The following TRPC6 variants were observed in gnomAD, a reference collection of about 807,000 sequenced individuals.
The protein encoded by TRPC6 is transient receptor potential cation channel subfamily C member 6.
A neutral mutation model predicts 90.7 loss-of-function variants in TRPC6; 55 were observed. The ratio of observed to expected loss-of-function variants is 0.61; its 90% CI spans 0.49 to 0.76. The LOEUF (loss-of-function observed/expected upper bound fraction) is 0.76, where lower values mean the gene tolerates loss of function less well. Ranked by LOEUF, TRPC6 falls within the 30% of genes least tolerant of loss-of-function variation. TRPC6 has a pLI of 0.00. For missense variants in TRPC6, 989 were observed against 1,122.7 expected, an observed-to-expected ratio of 0.88 and a Z score of 1.70; for synonymous variants, 393 against 393.0, an observed-to-expected ratio of 1.00 and a Z score of 0.00.
intron 1 of TRPC6, among the ~76,000 whole-genome samples, chr11:101,581,119 TA>T (rs1259574994): frequency 6.6e-6 from 1 of 152,222 alleles, no homozygotes; most frequent in Non-Finnish European, 1.5e-5. Flanking sequence ...ACATGTATTA[TA>T]GTACCTCTGA....
chr11:101,485,286 T>A (rs1859650934), intron 4 of TRPC6, among the ~76,000 whole-genome samples: 1 of 152,112 alleles, frequency 6.6e-6, no homozygotes, highest in Admixed American at 6.6e-5. Context: ...TTGTTTTTTT[T>A]TTTAGATCCT....
intron 1 of TRPC6, among the ~76,000 whole-genome samples, chr11:101,550,265 AT>A (rs1813277612): frequency 6.6e-6 from 1 of 151,614 alleles, no homozygotes; most frequent in Admixed American, 6.6e-5. Context: ...GCCTTTTATC[AT>A]AATTATTATG....
At chr11:101,483,905 G>T (rs1029840515) in intron 4 of TRPC6, among the ~76,000 whole-genome samples, 10 of 152,058 alleles carry the variant, frequency 6.6e-5, no homozygotes, top group Non-Finnish European at 1.0e-4. Flanking sequence ...TATAGTACAC[G>T]ATTCATCTCT....
intron 1 of TRPC6, among the ~76,000 whole-genome samples, chr11:101,547,634 G>A (rs145581065): frequency 2.4e-3 from 363 of 152,226 alleles, no homozygotes; most frequent in African/African-American, 8.2e-3. Flanking sequence ...CTGTAATTTA[G>A]AAAGCAATAA....
chr11:101,568,170 C>T (rs1861877979), intron 1 of TRPC6, among the ~76,000 whole-genome samples: 2 of 152,110 alleles, frequency 1.3e-5, no homozygotes, highest in Non-Finnish European at 2.9e-5. Flanking sequence ...TAGAGAAGAA[C>T]ATAAATGACC....
chr11:101,502,964 T>A (rs368910960), intron 2 of TRPC6, among the ~76,000 whole-genome samples: 30,376 of 151,808 alleles, frequency 0.2, 3,271 homozygotes, highest in African/African-American at 0.26. Flanking sequence ...TCTCTCAGCA[T>A]ATAGAAAAAA....
chr11:101,560,904 A>G (rs1390599317), intron 1 of TRPC6, among the ~76,000 whole-genome samples: 1 of 152,168 alleles, frequency 6.6e-6, no homozygotes, highest in Non-Finnish European at 1.5e-5. Context: ...GGAAGGCAGA[A>G]GTCAGAGTGG....
intron 1 of TRPC6, among the ~76,000 whole-genome samples, chr11:101,519,418 C>G (rs764040750): frequency 1.3e-5 from 2 of 152,062 alleles, no homozygotes; most frequent in African/African-American, 4.8e-5. Context: ...ACATTTAATT[C>G]TATTTCTCTG....
intron 4 of TRPC6, among the ~76,000 whole-genome samples, chr11:101,485,164 TA>T (rs1228412704): frequency 3.5e-5 from 4 of 115,266 alleles, no homozygotes; most frequent in African/African-American, 1.4e-4. Context: ...CACAGAGTTT[TA>T]AAGCCAATAG....
intron 1 of TRPC6, among the ~76,000 whole-genome samples, chr11:101,545,363 C>A (rs944400881): frequency 6.6e-6 from 1 of 152,062 alleles, no homozygotes; most frequent in African/African-American, 2.4e-5. Context: ...AAATACTACC[C>A]CATTTTATAT....
intron 12 of TRPC6, 40 bp from the exon 13 acceptor site, chr11:101,453,146 G>C: frequency 6.3e-7 from 1 of 1,598,744 alleles, no homozygotes; most frequent in Non-Finnish European, 8.6e-7. Context: ...CTATAAATAC[G>C]CAATGCGGAA....
intron 1 of TRPC6, among the ~76,000 whole-genome samples, chr11:101,507,723 T>C (rs1860307641): frequency 6.6e-6 from 1 of 152,154 alleles, no homozygotes; most frequent in East Asian, 1.9e-4. Context: ...GCAATTTTGA[T>C]TCTGGATATT....
chr11:101,463,767 A>G (rs1859066255), intron 10 of TRPC6, among the ~76,000 whole-genome samples: 1 of 151,918 alleles, frequency 6.6e-6, no homozygotes, highest in Admixed American at 6.6e-5. Context: ...TCCTGCATTC[A>G]CTGATTTTTT....
At chr11:101,482,873 G>A (rs1014187522) in intron 5 of TRPC6, 76 bp downstream of exon 5, 13 of 1,372,438 alleles carry the variant, frequency 9.5e-6, no homozygotes, top group Non-Finnish European at 1.3e-5. Context: ...TATAACTGAT[G>A]TGTGAAAGAA....
At chr11:101,502,046 A>G (rs1388853595) in intron 2 of TRPC6, among the ~76,000 whole-genome samples, 1 of 152,150 alleles carries the variant, frequency 6.6e-6, no homozygotes, top group Non-Finnish European at 1.5e-5. Flanking sequence ...GCTCAAGACA[A>G]TGGAGCAAAT....
At chr11:101,466,151 T>C (rs1342839655) in intron 10 of TRPC6, among the ~76,000 whole-genome samples, 1 of 152,158 alleles carries the variant, frequency 6.6e-6, no homozygotes, top group Non-Finnish European at 1.5e-5. Flanking sequence ...TGAATCTTCG[T>C]CCCAAAGGGG....
chr11:101,559,674 T>C (rs1260934831), intron 1 of TRPC6, among the ~76,000 whole-genome samples: 1 of 151,938 alleles, frequency 6.6e-6, no homozygotes, highest in Non-Finnish European at 1.5e-5. Context: ...AGGGTACATG[T>C]GCACAACGTG....
intron 1 of TRPC6, among the ~76,000 whole-genome samples, chr11:101,575,045 T>A (rs1862042063): frequency 6.6e-6 from 1 of 152,214 alleles, no homozygotes; most frequent in Admixed American, 6.5e-5. Context: ...ATCCACACTG[T>A]AATTGATTCC....
intron 2 of TRPC6, among the ~76,000 whole-genome samples, chr11:101,500,748 G>A (rs1860099498): frequency 6.6e-6 from 1 of 151,994 alleles, no homozygotes; most frequent in Non-Finnish European, 1.5e-5. Flanking sequence ...AATAATAAAA[G>A]CTATAATATG....
Sources: gnomAD v4.1 joint callset for allele counts (sites outside exome capture counted in the v4.1 genomes callset) on GRCh38, gnomAD v4.1.1 for gene constraint, MANE v1.5 for transcripts, NCBI Gene and HGNC (gene_info 2026-07-23, HGNC 2026-07-21) for gene names.